GLDC: variants seen among roughly 807,000 people sequenced by gnomAD.
GLDC encodes the protein glycine dehydrogenase (decarboxylating), mitochondrial.
A neutral mutation model predicts 121.3 loss-of-function variants in GLDC; 104 were observed. The observed-to-expected ratio is 0.86, with a 90% confidence interval of 0.73 to 1.01. The LOEUF is 1.01. GLDC is among the 50% of genes least tolerant of loss of function. The pLI, the probability that GLDC is intolerant of heterozygous loss-of-function variation, is 0.00. For missense variants in GLDC, 1,429 were observed against 1,306.6 expected (o/e 1.09, Z -1.44); for synonymous variants, 546 against 480.6 (o/e 1.14, Z -1.78).
Position 6,620,158 on chromosome 9 carries a change from T to C in GLDC, c.470+26A>G, listed in dbSNP as rs370318779. 1.7e-5 allele frequency: 27 copies of C among 1,609,408 alleles called. No individual in the cohort carries two copies. The African/African-American group carries it at 2.7e-4, about 16-fold the overall frequency. ...AGAATTATGCAAATCACAGTCATCCTGTTCCTGAACTGAGAAATACATTAC... is the reference window on the plus strand; with the variant it reads ...AGAATTATGCAAATCACAGTCATCCCGTTCCTGAACTGAGAAATACATTAC... On this transcript the variant is annotated intron_variant, in intron 3 of 24. Transcript: ENST00000321612.
chr9:6,593,023 T>C lies in GLDC; in HGVS notation c.1262-33A>G, dbSNP rs147414011. ...AGATAGGAGATCCCCCAAACTCTCA[T>C]ATAGAAACCTGCTCCTCAGCCATTG... On this transcript the variant is annotated intron_variant, in intron 9 of 24. Coordinates refer to ENST00000321612, the MANE Select transcript of GLDC (RefSeq NM_000170.3). 4.9e-4 allele frequency: 788 copies of C among 1,611,466 alleles called. 5 individuals carry two copies. In the East Asian group the frequency reaches 0.016, roughly 33 times the overall value.
In GLDC at chr9:6,554,784, A is replaced by G; in HGVS notation, c.2203-3T>C. ...TCTCCAGGGCGACAGATTCCCACCT[A>G]CCACAAAGGCAAGGGCCAAAAGCAA... On this transcript the variant is annotated splice_region_variant and splice_polypyrimidine_tract_variant and intron_variant, in intron 18 of 24. Coordinates refer to ENST00000321612, the MANE Select transcript of GLDC (RefSeq NM_000170.3). 6.2e-7 allele frequency: 1 copy of G among 1,609,050 alleles called. No homozygotes were observed. The highest frequency in any genetic ancestry group is 8.5e-7 in the Non-Finnish European group (1 of 1,176,926).
chr9:6,548,467 A>G (rs1245391803), intron 21 of GLDC, among the ~76,000 whole-genome samples: 1 of 152,220 alleles, frequency 6.6e-6, no homozygotes, highest in Non-Finnish European at 1.5e-5. Context: ...CATGTTGCCC[A>G]CAACTGTGTT....
intron 3 of GLDC, among the ~76,000 whole-genome samples, chr9:6,618,040 G>C (rs1819000855): frequency 6.6e-6 from 1 of 152,184 alleles, no homozygotes. Context: ...GATCCTGCTA[G>C]AAATTAAAGT....
chr9:6,575,266 G>T (rs1249946179), intron 15 of GLDC, among the ~76,000 whole-genome samples: 1 of 151,266 alleles, frequency 6.6e-6, no homozygotes, highest in African/African-American at 2.4e-5. Flanking sequence ...TCCATCCCCA[G>T]CGAAGATTCT....
intron 3 of GLDC, 104 bp downstream of exon 3, chr9:6,620,080 T>C: frequency 9.4e-7 from 1 of 1,066,686 alleles, no homozygotes; most frequent in Non-Finnish European, 1.5e-6. Flanking sequence ...CACTAGGAGG[T>C]GGGTGTCAGT....
chr9:6,572,813 G>A (rs1817991570), intron 15 of GLDC, among the ~76,000 whole-genome samples: 1 of 152,088 alleles, frequency 6.6e-6, no homozygotes, highest in Admixed American at 6.5e-5. Context: ...TTATTTTTCT[G>A]CTGAAGTTAA....
intron 3 of GLDC, among the ~76,000 whole-genome samples, chr9:6,617,625 C>G (rs1397950037): frequency 6.6e-6 from 1 of 152,144 alleles, no homozygotes; most frequent in Non-Finnish European, 1.5e-5. Context: ...ATTTTCCTGT[C>G]CCCTTATTAA....
intron 7 of GLDC, among the ~76,000 whole-genome samples, chr9:6,602,668 A>G (rs1818640626): frequency 6.6e-6 from 1 of 151,762 alleles, no homozygotes; most frequent in African/African-American, 2.4e-5. Flanking sequence ...ACTGATTTTT[A>G]GACTGTACTC....
At position 6,533,012 on chromosome 9, in the gene GLDC, G is replaced by A. The variant is rs764814250; in HGVS notation, c.*5C>T. On this transcript the variant is annotated 3_prime_UTR_variant, in exon 25 of 25. Transcript: ENST00000321612. ...AATCAGTCCTTTAAACTTAGGGACA[G>A]AGGACTAAGAAGACGCCCTCTTTTG... 17 of 1,602,030 alleles carry A rather than the reference G, an allele frequency of 1.1e-5. No homozygotes were observed. Among genetic ancestry groups the A allele is most frequent in the Non-Finnish European group, 1.4e-5 (16 of 1,169,628 alleles).
intron 2 of GLDC, among the ~76,000 whole-genome samples, chr9:6,629,958 T>TGTGTGTATATATATATATATGTGTA: frequency 1.3e-5 from 1 of 78,652 alleles, no homozygotes; most frequent in African/African-American, 6.1e-5. Context: ...TATATATATA[T>TGTGTGTATATATATATATATGTGTA]TTTTTTTTTT....
rs139337766 is a variant in GLDC, at chr9:6,550,674, T to G, written c.2569+129A>C. 7.4e-3 allele frequency: 5,493 copies of G among 744,796 alleles called. 363 individuals are homozygous for G. In the Admixed American group the frequency reaches 0.099, roughly 13 times the overall value. 46.1% of individuals were successfully genotyped at this position (744,796 alleles called of 1,614,324 possible). A position where few individuals can be genotyped will look rare whatever the true frequency, so the allele number is the denominator to read the frequency against. The stretch of plus-strand genomic sequence containing the variant: ...ATAAACCCGAGTTATTTCCAAGAAC[T>G]CTACACTATTTTCTGATATGTGCTA... On this transcript the variant is annotated intron_variant, in intron 21 of 24. Coordinates refer to ENST00000321612, the MANE Select transcript of GLDC (RefSeq NM_000170.3).
intron 17 of GLDC, among the ~76,000 whole-genome samples, chr9:6,556,610 T>C (rs999610109): frequency 1.3e-5 from 2 of 152,038 alleles, no homozygotes; most frequent in Admixed American, 6.5e-5. Context: ...CTGGCCAACA[T>C]GGTGAAACCC....
intron 2 of GLDC, chr9:6,639,205 T>C: frequency 2.3e-6 from 2 of 878,398 alleles, no homozygotes; most frequent in Non-Finnish European, 3.8e-6. Flanking sequence ...GAGAATGCTT[T>C]AAAGGCCAAG....
In GLDC at chr9:6,558,587, T is replaced by C. The variant is rs749513146; in HGVS notation, c.2024A>G (p.Asn675Ser). 5 of 1,614,084 alleles carry C rather than the reference T, an allele frequency of 3.1e-6. No homozygotes were observed. In the Admixed American group the frequency reaches 6.7e-5, roughly 22 times the overall value. ...GGCCTTGAGGTGAACTGCATCGATA[T>C]TCCCATATTTATCCACCTCCACAGG... is the stretch of plus-strand genomic sequence containing the variant. ...IQPVEVDKYG[N>S]IDAVHLKAMV... is the part of the protein sequence containing the mutation. Residue 675 changes from asparagine to serine, a missense_variant, in exon 17 of 25, where the codon AAT (asparagine) becomes AGT (serine). Asn to Ser is a conservative substitution (Grantham distance 46, BLOSUM62 1). Transcript: ENST00000321612.
At chr9:6,554,537 C>A (rs530304555) in intron 19 of GLDC, 132 bp downstream of exon 19, 2 of 737,076 alleles carry the variant, frequency 2.7e-6, no homozygotes, top group East Asian at 2.7e-5. Context: ...CCTCCCCCAG[C>A]CCCTACAAGT....
At chr9:6,634,659 G>C (rs970027682) in intron 2 of GLDC, among the ~76,000 whole-genome samples, 3 of 152,142 alleles carry the variant, frequency 2.0e-5, no homozygotes, top group Non-Finnish European at 4.4e-5. Flanking sequence ...GGAGATATAA[G>C]ACTCCTCCCA....
At chr9:6,543,204 G>C (rs1177754729) in intron 21 of GLDC, among the ~76,000 whole-genome samples, 1 of 152,120 alleles carries the variant, frequency 6.6e-6, no homozygotes, top group Non-Finnish European at 1.5e-5. Context: ...GATCCCAGGA[G>C]GTTGAGGCTG....
chr9:6,532,769 C>G lies in GLDC; in HGVS notation c.*248G>C, dbSNP rs1365426666. On this transcript the variant is annotated 3_prime_UTR_variant, in exon 25 of 25. Transcript: ENST00000321612. Reference sequence around the variant, plus strand: ...TTCCTAAAACTTTCTACGCAAAACACAAAATGGCTCCCAATCCAGGCAACT... The same window carrying G: ...TTCCTAAAACTTTCTACGCAAAACAGAAAATGGCTCCCAATCCAGGCAACT... 4 of 497,394 alleles carry G rather than the reference C, an allele frequency of 8.0e-6. No homozygotes were observed. Among genetic ancestry groups the G allele is most frequent in the Non-Finnish European group, 1.5e-5 (4 of 273,628 alleles). 30.8% of individuals were successfully genotyped at this position (497,394 alleles called of 1,614,324 possible). A position where few individuals can be genotyped will look rare whatever the true frequency, so the allele number is the denominator to read the frequency against.
Sources: allele counts gnomAD v4.1 joint callset (sites outside exome capture counted in the v4.1 genomes callset), GRCh38; gene constraint gnomAD v4.1.1; transcripts MANE v1.5; gene names NCBI Gene and HGNC (gene_info 2026-07-23, HGNC 2026-07-21).